The following PTPRG variants were observed in gnomAD, a reference collection of about 807,000 sequenced individuals.
The protein encoded by PTPRG is protein tyrosine phosphatase receptor type G.
In PTPRG, 102 loss-of-function variants were observed where a neutral mutation model predicts 165.3. That is an observed-to-expected ratio of 0.62 (90% CI 0.53 to 0.73). PTPRG has a LOEUF of 0.73. PTPRG is among the 30% of genes least tolerant of loss of function. The pLI, the probability that PTPRG is intolerant of heterozygous loss-of-function variation, is 0.00. For missense variants in PTPRG, 1,866 were observed against 1,861.4 expected, an observed-to-expected ratio of 1.00 and a Z score of -0.05; for synonymous variants, 675 against 669.5, an observed-to-expected ratio of 1.01 and a Z score of -0.13.
At chr3:62,143,212 T>C (rs187670190) in intron 6 of PTPRG, among the ~76,000 whole-genome samples, 208 of 152,368 alleles carry the variant, frequency 1.4e-3, no homozygotes, top group African/African-American at 4.8e-3. Context: ...ATTGTGACTA[T>C]CCTTGTGGTC....
intron 2 of PTPRG, among the ~76,000 whole-genome samples, chr3:61,880,668 T>C (rs2037863702): frequency 6.9e-6 from 1 of 145,836 alleles, no homozygotes; most frequent in South Asian, 2.2e-4. Flanking sequence ...GGCCAGGTGA[T>C]GAGGTATGAA....
chr3:61,806,868 G>A (rs2107193128), intron 2 of PTPRG, among the ~76,000 whole-genome samples: 1 of 152,270 alleles, frequency 6.6e-6, no homozygotes, highest in Admixed American at 6.5e-5. Flanking sequence ...ATACTCCGTG[G>A]CTTGTGTACC....
intron 2 of PTPRG, among the ~76,000 whole-genome samples, chr3:61,911,272 C>G (rs2038796879): frequency 6.6e-6 from 1 of 152,118 alleles, no homozygotes; most frequent in South Asian, 2.1e-4. Flanking sequence ...GTACCTGTGC[C>G]TTTGTTTCTC....
intron 2 of PTPRG, among the ~76,000 whole-genome samples, chr3:61,905,461 G>C (rs2038619557): frequency 6.6e-6 from 1 of 151,984 alleles, no homozygotes; most frequent in Non-Finnish European, 1.5e-5. Context: ...AGGATTCTTT[G>C]TCTTTCAAAA....
At chr3:62,119,235 C>T (rs188374474) in intron 5 of PTPRG, among the ~76,000 whole-genome samples, 4 of 152,216 alleles carry the variant, frequency 2.6e-5, no homozygotes, top group African/African-American at 4.8e-5. Context: ...CCTCAGCTGA[C>T]GCAACCAGTT....
intron 5 of PTPRG, among the ~76,000 whole-genome samples, chr3:62,127,211 G>A (rs1471813371): frequency 6.6e-6 from 1 of 152,162 alleles, no homozygotes; most frequent in Admixed American, 6.5e-5. Context: ...CAAAATGCAA[G>A]GATGCAAAAT....
At chr3:61,658,231 A>G (rs1222257709) in intron 1 of PTPRG, among the ~76,000 whole-genome samples, 1 of 152,194 alleles carries the variant, frequency 6.6e-6, no homozygotes, top group Non-Finnish European at 1.5e-5. Flanking sequence ...GCCTGATGCA[A>G]GCAGGCACCC....
At chr3:61,909,192 CTG>C (rs2038736798) in intron 2 of PTPRG, among the ~76,000 whole-genome samples, 3 of 152,132 alleles carry the variant, frequency 2.0e-5, no homozygotes, top group African/African-American at 7.2e-5. Flanking sequence ...AGATCAGCTA[CTG>C]AGAATTTTAG....
chr3:62,029,707 T>C (rs948934117), intron 4 of PTPRG, among the ~76,000 whole-genome samples: 7 of 152,220 alleles, frequency 4.6e-5, no homozygotes, highest in African/African-American at 1.7e-4. Context: ...GGAGGCAGGA[T>C]GAAGGGAAAA....
intron 1 of PTPRG, among the ~76,000 whole-genome samples, chr3:61,647,790 T>TAAAAAAAA (rs1559539117): frequency 3.0e-4 from 1 of 3,290 alleles, no homozygotes; most frequent in Non-Finnish European, 8.1e-4. Flanking sequence ...AGACTCCGTC[T>TAAAAAAAA]CAAAAAAAAA....
At chr3:61,793,783 G>A (rs534562460) in intron 2 of PTPRG, among the ~76,000 whole-genome samples, 1 of 152,196 alleles carries the variant, frequency 6.6e-6, no homozygotes, top group African/African-American at 2.4e-5. Context: ...TCCACCCCTT[G>A]CCAGTTTCCT....
intron 2 of PTPRG, among the ~76,000 whole-genome samples, chr3:61,792,027 A>G (rs1417931477): frequency 6.6e-6 from 1 of 152,206 alleles, no homozygotes; most frequent in African/African-American, 2.4e-5. Flanking sequence ...AGACACTGGA[A>G]TGCCTCACTT....
At chr3:62,081,878 T>G (rs1701595862) in intron 5 of PTPRG, among the ~76,000 whole-genome samples, 1 of 152,232 alleles carries the variant, frequency 6.6e-6, no homozygotes, top group Non-Finnish European at 1.5e-5. Flanking sequence ...ATTTTAGTAT[T>G]GAAGAACGGT....
chr3:61,652,032 A>G (rs555094982), intron 1 of PTPRG, among the ~76,000 whole-genome samples: 1 of 152,088 alleles, frequency 6.6e-6, no homozygotes, highest in South Asian at 2.1e-4. Context: ...AAAGTAGGCC[A>G]GGCGCAGTAG....
intron 1 of PTPRG, among the ~76,000 whole-genome samples, chr3:61,653,180 T>C (rs1179855775): frequency 6.6e-6 from 1 of 152,230 alleles, no homozygotes; most frequent in Non-Finnish European, 1.5e-5. Flanking sequence ...TGATAGTTTT[T>C]TTTTTCTATA....
intron 8 of PTPRG, among the ~76,000 whole-genome samples, chr3:62,173,339 T>C (rs1705291974): frequency 6.6e-6 from 1 of 152,150 alleles, no homozygotes; most frequent in Non-Finnish European, 1.5e-5. Flanking sequence ...CTGTACTCAA[T>C]TCTACCAGTA....
At chr3:61,598,009 G>A (rs1407117739) in intron 1 of PTPRG, among the ~76,000 whole-genome samples, 2 of 152,146 alleles carry the variant, frequency 1.3e-5, no homozygotes, top group Non-Finnish European at 2.9e-5. Context: ...AGGGGCACTG[G>A]CTATGGGAAG....
intron 8 of PTPRG, among the ~76,000 whole-genome samples, chr3:62,185,737 G>C (rs1036533251): frequency 1.3e-5 from 2 of 152,186 alleles, no homozygotes; most frequent in Non-Finnish European, 2.9e-5. Flanking sequence ...CACTGTGTGG[G>C]CCATAGAGTG....
chr3:61,897,151 C>T (rs1324907088), intron 2 of PTPRG, among the ~76,000 whole-genome samples: 6 of 151,996 alleles, frequency 3.9e-5, no homozygotes, highest in Non-Finnish European at 8.8e-5. Flanking sequence ...GGTCTAAGAA[C>T]ACTAAGAATG....
Sources: allele counts gnomAD v4.1 joint callset (sites outside exome capture counted in the v4.1 genomes callset), GRCh38; gene constraint gnomAD v4.1.1; transcripts MANE v1.5; gene names NCBI Gene and HGNC (gene_info 2026-07-23, HGNC 2026-07-21).